EMC2: variants seen among roughly 807,000 people sequenced by gnomAD.
The protein encoded by EMC2 is ER membrane protein complex subunit 2, also known as TPR repeat protein 35.
EMC2 carries 37 observed loss-of-function variants against 51.6 expected under a neutral mutation model. The ratio of observed to expected loss-of-function variants is 0.72; its 90% CI spans 0.55 to 0.94. EMC2 has a LOEUF of 0.94. EMC2 is among the 40% of genes least tolerant of loss of function. The probability of loss-of-function intolerance (pLI) is 0.00; values close to 1 mark genes in which losing one functional copy is unlikely to be tolerated. For missense variants in EMC2, 359 were observed against 350.9 expected (o/e 1.02, Z -0.18); for synonymous variants, 131 against 112.4 (o/e 1.17, Z -1.04).
chr8:108,466,260 TA>T (rs1321028043), intron 5 of EMC2, among the ~76,000 whole-genome samples: 1 of 152,100 alleles, frequency 6.6e-6, no homozygotes, highest in Non-Finnish European at 1.5e-5. Context: ...AGTAGGTAGT[TA>T]ATACACGTGA....
chr8:108,459,409 G>A (rs978944832), intron 5 of EMC2, among the ~76,000 whole-genome samples: 4 of 152,154 alleles, frequency 2.6e-5, no homozygotes, highest in Admixed American at 1.3e-4. Context: ...AAAGAATAAG[G>A]TGTATTGGAC....
At chr8:108,446,990 G>T (rs1586173043) in intron 1 of EMC2, among the ~76,000 whole-genome samples, 1 of 152,152 alleles carries the variant, frequency 6.6e-6, no homozygotes. Flanking sequence ...CTGTGTGTCA[G>T]ACTGCCGTTC....
chr8:108,447,636 A>G (rs1391908788), intron 1 of EMC2, among the ~76,000 whole-genome samples: 4 of 152,158 alleles, frequency 2.6e-5, no homozygotes, highest in African/African-American at 4.8e-5. Context: ...ACCTCACTGC[A>G]GTGACATCTC....
intron 9 of EMC2, among the ~76,000 whole-genome samples, chr8:108,477,954 G>C (rs1461747233): frequency 1.3e-5 from 2 of 151,980 alleles, no homozygotes; most frequent in Non-Finnish European, 2.9e-5. Flanking sequence ...CCAAAGATGG[G>C]CACAGAGCTC....
chr8:108,487,257 A>T lies in EMC2; in HGVS notation c.*659A>T, dbSNP rs1472477752. Reference sequence around the variant, plus strand: ...AAATGCCTTAAGATAAATATGTGTTACGACACTTTAACTTTTATGCAAGTT... The same window carrying T: ...AAATGCCTTAAGATAAATATGTGTTTCGACACTTTAACTTTTATGCAAGTT... On this transcript the variant is annotated 3_prime_UTR_variant, in exon 11 of 11. Coordinates refer to ENST00000220853, the MANE Select transcript of EMC2 (RefSeq NM_014673.5). Among the ~76,000 whole-genome samples the T allele has an allele frequency of 2.0e-5, 3 of 152,100 alleles. No homozygotes were observed. The highest frequency in any genetic ancestry group is 4.8e-5 in the African/African-American group (2 of 41,438).
At chr8:108,465,563 GA>G (rs1819446419) in intron 5 of EMC2, among the ~76,000 whole-genome samples, 1 of 152,150 alleles carries the variant, frequency 6.6e-6, no homozygotes, top group Admixed American at 6.5e-5. Context: ...TTGAATAATG[GA>G]GTAAATTGTT....
intron 7 of EMC2, among the ~76,000 whole-genome samples, chr8:108,473,668 A>G (rs899368354): frequency 6.4e-5 from 5 of 78,016 alleles, no homozygotes; most frequent in Admixed American, 2.2e-4. Flanking sequence ...TTAAAATTCC[A>G]TATCAACGGA....
intron 5 of EMC2, among the ~76,000 whole-genome samples, chr8:108,467,388 G>A (rs981787152): frequency 5.3e-5 from 8 of 150,644 alleles, no homozygotes; most frequent in South Asian, 2.1e-4. Flanking sequence ...TCGCTCTGTC[G>A]CCCAGGCTGG....
chr8:108,447,146 A>G (rs1397018269), intron 1 of EMC2, among the ~76,000 whole-genome samples: 3 of 152,178 alleles, frequency 2.0e-5, no homozygotes, highest in Non-Finnish European at 4.4e-5. Context: ...CCAAAGTTGC[A>G]TTTACAAAGG....
intron 1 of EMC2, among the ~76,000 whole-genome samples, chr8:108,447,002 T>TAG (rs1189008846): frequency 6.6e-6 from 1 of 152,208 alleles, no homozygotes; most frequent in African/African-American, 2.4e-5. Flanking sequence ...CTGCCGTTCT[T>TAG]AGAAGTTATG....
rs567149415 is a variant in EMC2 at position 108,487,403 on chromosome 8, T to C, written c.*805T>C. On this transcript the variant is annotated 3_prime_UTR_variant, in exon 11 of 11. Coordinates refer to ENST00000220853, the MANE Select transcript of EMC2 (RefSeq NM_014673.5). Reference sequence around the variant, plus strand: ...GAAAAAAATAAGAAAATTAAAACTATCCTTAGAAACAAAAATGTTAAAATT... The same window carrying C: ...GAAAAAAATAAGAAAATTAAAACTACCCTTAGAAACAAAAATGTTAAAATT... Among the ~76,000 whole-genome samples the C allele has an allele frequency of 2.0e-5, 3 of 152,100 alleles. No individual in the cohort carries two copies. Among genetic ancestry groups the C allele is most frequent in the Admixed American group, 6.5e-5 (1 of 15,268 alleles).
At chr8:108,475,214 G>GT (rs927810657) in intron 7 of EMC2, 4 of 151,972 alleles carry the variant, frequency 2.6e-5, no homozygotes, top group Admixed American at 6.6e-5. Context: ...GCTTTAAAAT[G>GT]TTTTTCCAGA....
chr8:108,459,999 A>G (rs1819275804), intron 5 of EMC2, among the ~76,000 whole-genome samples: 1 of 152,168 alleles, frequency 6.6e-6, no homozygotes, highest in Non-Finnish European at 1.5e-5. Flanking sequence ...TTCTTAGAAA[A>G]AGCACCCATT....
At chr8:108,467,826 T>A (rs1810760158) in intron 5 of EMC2, among the ~76,000 whole-genome samples, 1 of 152,226 alleles carries the variant, frequency 6.6e-6, no homozygotes. Context: ...TGCCAGTCCT[T>A]TAAAGATTGC....
At chr8:108,463,468 A>G (rs1197182468) in intron 5 of EMC2, among the ~76,000 whole-genome samples, 3 of 152,060 alleles carry the variant, frequency 2.0e-5, no homozygotes, top group African/African-American at 7.2e-5. Flanking sequence ...AATTATATCC[A>G]TTGAGTGGGA....
In EMC2 at chr8:108,443,672, C is replaced by G. The variant is rs760628065; in HGVS notation, c.14C>G (p.Ser5Ter). MAKV[S>*]ELYDVTWEEM... is the part of the protein sequence containing the mutation. The stretch of plus-strand genomic sequence containing the variant: ...GGTTCTGGGAAGATGGCGAAGGTCT[C>G]AGAGCTTTACGATGTCACTTGGGAA... The change falls in exon 1 of 11, where the codon TCA becomes TGA. Residue 5 changes from serine to a stop codon, truncating the protein, a stop_gained. Transcript: ENST00000220853. LOFTEE classifies it high-confidence loss of function. The G allele has an allele frequency of 6.2e-7, 1 of 1,609,922 alleles. No homozygotes were observed. The highest frequency in any genetic ancestry group is 2.2e-5 in the East Asian group (1 of 44,698).
chr8:108,484,453 A>G (rs1481082378), intron 10 of EMC2, among the ~76,000 whole-genome samples: 1 of 152,052 alleles, frequency 6.6e-6, no homozygotes, highest in Non-Finnish European at 1.5e-5. Flanking sequence ...TAATGTTGAC[A>G]CCATCTCAGT....
chr8:108,443,784 T>G, intron 1 of EMC2, 86 bp downstream of exon 1: 1 of 1,205,142 alleles, frequency 8.3e-7, no homozygotes, highest in Non-Finnish European at 1.2e-6. Flanking sequence ...GGAGCTGGGT[T>G]CTCTGGTGTC....
intron 10 of EMC2, among the ~76,000 whole-genome samples, chr8:108,484,998 A>G (rs944700684): frequency 4.6e-5 from 7 of 151,846 alleles, no homozygotes; most frequent in African/African-American, 1.7e-4. Flanking sequence ...TTCCTCTGGC[A>G]TTTCCCCTAG....
Sources: gnomAD v4.1 joint callset for allele counts (sites outside exome capture counted in the v4.1 genomes callset) on GRCh38, gnomAD v4.1.1 for gene constraint, MANE v1.5 for transcripts, NCBI Gene and HGNC (gene_info 2026-07-23, HGNC 2026-07-21) for gene names.